Variants in STK3 observed in about 807,000 individuals in gnomAD.
STK3 encodes serine/threonine kinase 3.
A neutral mutation model predicts 58.0 loss-of-function variants in STK3; 41 were observed. That is an observed-to-expected ratio of 0.71 (90% CI 0.55 to 0.92). The LOEUF is 0.92. Among genes scored for constraint, STK3 ranks in the 40% least tolerant of loss-of-function variants. The pLI is 0.00. For missense variants in STK3, 479 were observed against 602.7 expected, an observed-to-expected ratio of 0.79 and a Z score of 2.15; for synonymous variants, 170 against 191.0, an observed-to-expected ratio of 0.89 and a Z score of 0.91.
chr8:98,735,690 C>A (rs1828525170), intron 4 of STK3, among the ~76,000 whole-genome samples: 1 of 152,164 alleles, frequency 6.6e-6, no homozygotes, highest in African/African-American at 2.4e-5. Flanking sequence ...TTAATTACCA[C>A]AATTCGTTAC....
At chr8:98,372,687 G>A (rs1817624182) in intron 2 of STK3, among the ~76,000 whole-genome samples, 1 of 152,186 alleles carries the variant, frequency 6.6e-6, no homozygotes, top group African/African-American at 2.4e-5. Context: ...CCAGAACATT[G>A]GCTCCGCTTC....
At chr8:98,737,921 G>C (rs1828752087) in intron 4 of STK3, among the ~76,000 whole-genome samples, 1 of 152,056 alleles carries the variant, frequency 6.6e-6, no homozygotes, top group Non-Finnish European at 1.5e-5. Flanking sequence ...TGTTGGCCAG[G>C]CTGGTCTCAA....
At chr8:98,725,735 A>T (rs557187418) in intron 4 of STK3, among the ~76,000 whole-genome samples, 1 of 152,260 alleles carries the variant, frequency 6.6e-6, no homozygotes, top group Admixed American at 6.5e-5. Flanking sequence ...AAAACTAAAT[A>T]CCACTTTTTA....
chr8:98,661,555 TAAC>T (rs1237081752), intron 6 of STK3, among the ~76,000 whole-genome samples: 2 of 152,002 alleles, frequency 1.3e-5, no homozygotes, highest in African/African-American at 4.8e-5. Context: ...ATTAGTGACA[TAAC>T]AACAACAACA....
chr8:98,610,340 A>G (rs1817096187), intron 6 of STK3, among the ~76,000 whole-genome samples: 1 of 152,206 alleles, frequency 6.6e-6, no homozygotes, highest in South Asian at 2.1e-4. Context: ...CATCTGGTAA[A>G]AGAGTTCCAA....
chr8:98,532,488 A>G (rs1386118697), intron 9 of STK3, among the ~76,000 whole-genome samples: 1 of 152,204 alleles, frequency 6.6e-6, no homozygotes, highest in African/African-American at 2.4e-5. Flanking sequence ...CATAATAATG[A>G]TGAAAAGGTT....
chr8:98,784,271 A>G (rs1245590588), intron 1 of STK3, among the ~76,000 whole-genome samples: 1 of 152,202 alleles, frequency 6.6e-6, no homozygotes, highest in Non-Finnish European at 1.5e-5. Flanking sequence ...CTGGCTCTGG[A>G]GCAGGACAGA....
intron 6 of STK3, among the ~76,000 whole-genome samples, chr8:98,626,763 G>A (rs974790230): frequency 2.0e-5 from 3 of 152,144 alleles, no homozygotes; most frequent in African/African-American, 4.8e-5. Flanking sequence ...AAGTCTGCAT[G>A]GGGAAATAAG....
chr8:98,579,003 T>C (rs1813634989), intron 8 of STK3, among the ~76,000 whole-genome samples: 2 of 152,044 alleles, frequency 1.3e-5, no homozygotes, highest in South Asian at 2.1e-4. Flanking sequence ...ATACAAAAAT[T>C]AGCCAGGCAT....
chr8:98,805,621 C>A (rs994473523), intron 1 of STK3, among the ~76,000 whole-genome samples: 1 of 151,832 alleles, frequency 6.6e-6, no homozygotes, highest in Non-Finnish European at 1.5e-5. Context: ...ATATAAAAAG[C>A]AGATAGTGTG....
intron 6 of STK3, among the ~76,000 whole-genome samples, chr8:98,697,871 T>C (rs1825129236): frequency 6.6e-6 from 1 of 152,214 alleles, no homozygotes; most frequent in South Asian, 2.1e-4. Flanking sequence ...TGTAGATGTC[T>C]ATTAGGTCTG....
chr8:98,775,434 T>C (rs898026749), intron 1 of STK3, among the ~76,000 whole-genome samples: 5 of 152,140 alleles, frequency 3.3e-5, no homozygotes, highest in Admixed American at 1.3e-4. Flanking sequence ...GGTAATAAAA[T>C]GGCACAGGTA....
chr8:98,683,474 G>A (rs1388615151), intron 6 of STK3, among the ~76,000 whole-genome samples: 1 of 151,916 alleles, frequency 6.6e-6, no homozygotes, highest in Non-Finnish European at 1.5e-5. Flanking sequence ...AATATTTATT[G>A]GATATTCTTA....
intron 6 of STK3, among the ~76,000 whole-genome samples, chr8:98,641,940 G>T (rs1294923655): frequency 6.6e-6 from 1 of 152,160 alleles, no homozygotes; most frequent in African/African-American, 2.4e-5. Flanking sequence ...CTGCTTTACA[G>T]ACCTTCATAA....
At chr8:98,476,878 A>C (rs984995181) in intron 10 of STK3, among the ~76,000 whole-genome samples, 1 of 152,222 alleles carries the variant, frequency 6.6e-6, no homozygotes, top group African/African-American at 2.4e-5. Flanking sequence ...GGAATTTAGA[A>C]TATGTCACCC....
intron 3 of STK3, chr8:98,431,823 G>T (rs1818337621): frequency 1.2e-5 from 2 of 167,052 alleles, no homozygotes; most frequent in South Asian, 2.1e-4. Flanking sequence ...GTGCTTTAGA[G>T]ACTATCTTTT....
At chr8:98,378,590 C>A (rs768549077) in intron 2 of STK3, among the ~76,000 whole-genome samples, 24 of 152,226 alleles carry the variant, frequency 1.6e-4, no homozygotes, top group Admixed American at 3.9e-4. Context: ...AAGCACTTAA[C>A]ATACTGCCTG....
intron 9 of STK3, among the ~76,000 whole-genome samples, chr8:98,538,806 C>G (rs1330997442): frequency 6.6e-6 from 1 of 152,182 alleles, no homozygotes; most frequent in Non-Finnish European, 1.5e-5. Flanking sequence ...CTGGGTTATA[C>G]TTCGTTAAAC....
chr8:98,359,345 A>C, the STK3 span, among the ~76,000 whole-genome samples: 33 of 30,978 alleles, frequency 1.1e-3, 1 homozygote, highest in South Asian at 0.024. Flanking sequence ...CATCTCAACT[A>C]AAAAAAAAAA....
Sources: gnomAD v4.1 joint callset for allele counts (sites outside exome capture counted in the v4.1 genomes callset) on GRCh38, gnomAD v4.1.1 for gene constraint, MANE v1.5 for transcripts, NCBI Gene and HGNC (gene_info 2026-07-23, HGNC 2026-07-21) for gene names.